TBC1D12: variants seen among roughly 807,000 people sequenced by gnomAD.
TBC1D12 encodes the protein TBC1 domain family member 12.
A neutral mutation model predicts 86.7 loss-of-function variants in TBC1D12; 56 were observed. The observed-to-expected ratio is 0.65, with a 90% confidence interval of 0.52 to 0.81. The LOEUF is 0.81. Among genes scored for constraint, TBC1D12 ranks in the 30% least tolerant of loss-of-function variants. The probability of loss-of-function intolerance (pLI) is 0.00; values close to 1 mark genes in which losing one functional copy is unlikely to be tolerated. For synonymous variants in TBC1D12, 421 were observed against 411.7 expected (o/e 1.02, Z -0.27); for missense variants, 1,023 against 1,038.8 (o/e 0.98, Z 0.21).
At chr10:94,407,171 A>T (rs1749352) in intron 1 of TBC1D12, among the ~76,000 whole-genome samples, 69,539 of 152,086 alleles carry the variant, frequency 0.46, 16,232 homozygotes, top group East Asian at 0.79. Flanking sequence ...ATATAGGAAA[A>T]ACAGGAATTC....
intron 6 of TBC1D12, among the ~76,000 whole-genome samples, chr10:94,502,558 T>C (rs2056412120): frequency 6.6e-6 from 1 of 151,650 alleles, no homozygotes; most frequent in South Asian, 2.1e-4. Flanking sequence ...AATCTCAAAA[T>C]TAGCCAGGCA....
intron 11 of TBC1D12, among the ~76,000 whole-genome samples, chr10:94,529,208 A>G (rs576585648): frequency 1.2e-4 from 18 of 152,200 alleles, no homozygotes; most frequent in Non-Finnish European, 2.1e-4. Context: ...GGGTCTCACT[A>G]TGTTGCCCAG....
At chr10:94,409,276 A>G (rs1480064741) in intron 1 of TBC1D12, among the ~76,000 whole-genome samples, 1 of 152,228 alleles carries the variant, frequency 6.6e-6, no homozygotes, top group Non-Finnish European at 1.5e-5. Context: ...TAACCTGAAT[A>G]CAAATTAGGT....
chr10:94,423,012 A>T (rs2055095956), intron 1 of TBC1D12, among the ~76,000 whole-genome samples: 1 of 152,196 alleles, frequency 6.6e-6, no homozygotes, highest in Non-Finnish European at 1.5e-5. Flanking sequence ...AGGCAGGAGG[A>T]TCATTTGAGC....
At chr10:94,439,846 A>C (rs2055354630) in intron 1 of TBC1D12, among the ~76,000 whole-genome samples, 1 of 152,266 alleles carries the variant, frequency 6.6e-6, no homozygotes, top group Non-Finnish European at 1.5e-5. Context: ...GGAAAATGAT[A>C]GCCATAAATA....
intron 5 of TBC1D12, among the ~76,000 whole-genome samples, chr10:94,498,612 C>T (rs977753074): frequency 6.6e-6 from 1 of 152,038 alleles, no homozygotes; most frequent in African/African-American, 2.4e-5. Flanking sequence ...TGCCACCATA[C>T]CCGGCTAATT....
At chr10:94,409,113 T>G (rs2054894346) in intron 1 of TBC1D12, among the ~76,000 whole-genome samples, 1 of 152,134 alleles carries the variant, frequency 6.6e-6, no homozygotes, top group Non-Finnish European at 1.5e-5. Flanking sequence ...GTGTCACTCC[T>G]TCCCCTACCT....
chr10:94,465,836 A>G (rs963051892), intron 2 of TBC1D12, among the ~76,000 whole-genome samples: 10 of 151,418 alleles, frequency 6.6e-5, no homozygotes, highest in African/African-American at 2.2e-4. Flanking sequence ...ACGTATACGC[A>G]TACATATATA....
intron 2 of TBC1D12, among the ~76,000 whole-genome samples, chr10:94,465,803 CATAT>C (rs904233161): frequency 6.6e-6 from 1 of 150,610 alleles, no homozygotes; most frequent in Non-Finnish European, 1.5e-5. Flanking sequence ...CGCATACATA[CATAT>C]ACGCATACAT....
In TBC1D12 at chr10:94,510,076, G is replaced by T. The variant is rs371675917; in HGVS notation, c.1601-15G>T. 1 of 1,594,610 alleles carries T rather than the reference G, an allele frequency of 6.3e-7. No individual in the cohort carries two copies. The highest frequency in any genetic ancestry group is 8.6e-7 in the Non-Finnish European group (1 of 1,168,564). ...CCAAGTGATCATTTAAATTGTATCT[G>T]CTTGGTAAATGCAGGTGTATCTGTT... On this transcript the variant is annotated splice_polypyrimidine_tract_variant and intron_variant, in intron 7 of 12. Coordinates refer to ENST00000225235, the MANE Select transcript of TBC1D12 (RefSeq NM_015188.2).
At chr10:94,520,361 T>C (rs1483782699) in intron 9 of TBC1D12, among the ~76,000 whole-genome samples, 1 of 152,054 alleles carries the variant, frequency 6.6e-6, no homozygotes, top group East Asian at 1.9e-4. Context: ...AAGACCAGCC[T>C]GACCAACATG....
At chr10:94,447,533 G>A in intron 2 of TBC1D12, 1 of 854,130 alleles carries the variant, frequency 1.2e-6, no homozygotes, top group Non-Finnish European at 1.4e-6. Flanking sequence ...TAGGATTATA[G>A]CAAAATCAAA....
At chr10:94,469,333 C>G (rs1369083236) in intron 2 of TBC1D12, among the ~76,000 whole-genome samples, 1 of 151,706 alleles carries the variant, frequency 6.6e-6, no homozygotes, top group Non-Finnish European at 1.5e-5. Flanking sequence ...GGTTATTGTT[C>G]TTTTCCCAAA....
intron 1 of TBC1D12, among the ~76,000 whole-genome samples, chr10:94,404,670 A>G (rs1461183039): frequency 6.6e-6 from 1 of 151,710 alleles, no homozygotes; most frequent in Non-Finnish European, 1.5e-5. Flanking sequence ...AAAAGAAAAG[A>G]AAGAAATTAA....
intron 2 of TBC1D12, among the ~76,000 whole-genome samples, chr10:94,461,387 G>C (rs770629978): frequency 6.6e-6 from 1 of 152,136 alleles, no homozygotes; most frequent in Non-Finnish European, 1.5e-5. Flanking sequence ...AGTTAGGTTA[G>C]AGCAGGTTAG....
chr10:94,467,470 G>C (rs2055841669), intron 2 of TBC1D12, among the ~76,000 whole-genome samples: 1 of 152,166 alleles, frequency 6.6e-6, no homozygotes, highest in Non-Finnish European at 1.5e-5. Context: ...GACCTCAGGT[G>C]AGCCGCCCGC....
intron 5 of TBC1D12, among the ~76,000 whole-genome samples, chr10:94,497,814 G>GT (rs1381505192): frequency 7.2e-6 from 1 of 139,316 alleles, no homozygotes. Flanking sequence ...TTTGGTTACT[G>GT]TGTTTTCTTT....
At chr10:94,450,922 A>G (rs940377790) in intron 2 of TBC1D12, among the ~76,000 whole-genome samples, 3 of 152,166 alleles carry the variant, frequency 2.0e-5, no homozygotes, top group African/African-American at 7.2e-5. Context: ...ATGGAAAGTT[A>G]AACACCACAA....
At position 94,403,591 on chromosome 10, in the gene TBC1D12, C is replaced by A. The variant is rs751121015; in HGVS notation, c.971+7C>A. On this transcript the variant is annotated splice_region_variant and intron_variant, in intron 1 of 12. Transcript: ENST00000225235. ...TCGCGGACTTCTTCACCAGGTACAG[C>A]GCAGGCTGCATGGGACTCGGGGCGG... 1 of 1,459,350 alleles carries A rather than the reference C, an allele frequency of 6.9e-7. No homozygotes were observed. Among genetic ancestry groups the A allele is most frequent in the Admixed American group, 2.9e-5 (1 of 34,908 alleles). 90.4% of individuals were successfully genotyped at this position (1,459,350 alleles called of 1,614,324 possible).
Sources: allele counts gnomAD v4.1 joint callset (sites outside exome capture counted in the v4.1 genomes callset), GRCh38; gene constraint gnomAD v4.1.1; transcripts MANE v1.5; gene names NCBI Gene and HGNC (gene_info 2026-07-23, HGNC 2026-07-21).